AKAP12: variants seen among roughly 807,000 people sequenced by gnomAD.
The protein encoded by AKAP12 is A-kinase anchoring protein 12, also known as A-kinase anchor protein 12.
AKAP12 carries 32 observed loss-of-function variants against 79.9 expected under a neutral mutation model. The observed-to-expected ratio is 0.40, with a 90% CI of 0.30 to 0.54. The LOEUF (loss-of-function observed/expected upper bound fraction) is 0.54. AKAP12 is among the 20% of genes least tolerant of loss of function. The probability of loss-of-function intolerance (pLI) is 0.48; values close to 1 mark genes in which losing one functional copy is unlikely to be tolerated. For missense variants in AKAP12, 2,074 were observed against 2,177.0 expected (o/e 0.95, Z 0.94); for synonymous variants, 808 against 857.0 (o/e 0.94, Z 1.00).
chr6:151,246,594 T>G (rs1797079677), intron 2 of AKAP12, among the ~76,000 whole-genome samples: 1 of 152,182 alleles, frequency 6.6e-6, no homozygotes, highest in Non-Finnish European at 1.5e-5. Context: ...GAATGGTACC[T>G]CAGTTTCCTT....
chr6:151,307,967 C>T (rs1777010945), intron 3 of AKAP12, among the ~76,000 whole-genome samples: 1 of 151,998 alleles, frequency 6.6e-6, no homozygotes, highest in African/African-American at 2.4e-5. Context: ...CCGCGCACAT[C>T]CCCCGCCTCC....
chr6:151,316,954 T>C (rs771539774), intron 3 of AKAP12, among the ~76,000 whole-genome samples: 20 of 152,194 alleles, frequency 1.3e-4, no homozygotes, highest in Non-Finnish European at 2.8e-4. Flanking sequence ...CCTGTTCTTA[T>C]TAGGGCCCAG....
In AKAP12 at chr6:151,240,484, T is replaced by C; in HGVS notation, c.-79T>C. The C allele has an allele frequency of 1.5e-6, 2 of 1,315,608 alleles. No individual in the cohort carries two copies. The highest frequency in any genetic ancestry group is 1.9e-6 in the Non-Finnish European group (2 of 1,032,278). The allele number at this position is 1,315,608 out of a possible 1,614,324, so 81.5% of individuals were successfully genotyped here. A position where few individuals can be genotyped will look rare whatever the true frequency, so the allele number is the denominator to read the frequency against. ...TCTCGGGACCTCGCGGGCGCGCGTC[T>C]TTTGGCTCTTGCCCCTGTCCCTGCG... On this transcript the variant is annotated 5_prime_UTR_variant, in exon 2 of 5. Coordinates refer to ENST00000402676, the MANE Select transcript of AKAP12 (RefSeq NM_005100.4).
chr6:151,352,256 G>T lies in AKAP12; in HGVS notation c.3865G>T (p.Asp1289Tyr). 8 of 1,614,194 alleles carry T rather than the reference G, an allele frequency of 5.0e-6. No individual in the cohort carries two copies. Among genetic ancestry groups the T allele is most frequent in the African/African-American group, 1.3e-5 (1 of 75,046 alleles). Residue 1289 changes from aspartate (D) to tyrosine (Y), a missense_variant, in exon 4 of 5, where the codon GAC (aspartate) becomes TAC (tyrosine). Coordinates refer to ENST00000402676, the MANE Select transcript of AKAP12 (RefSeq NM_005100.4). Reference protein sequence around the residue: ...PFFEGLEGSIDTGITVSREKV... With the variant: ...PFFEGLEGSIYTGITVSREKV... ...TTTCGAAGGACTTGAGGGGTCTATAGACACAGGCATAACAGTCAGTCGGGA... is the reference window on the plus strand; with the variant it reads ...TTTCGAAGGACTTGAGGGGTCTATATACACAGGCATAACAGTCAGTCGGGA...
intron 1 of AKAP12, 77 bp from the exon 2 acceptor site, chr6:151,240,307 T>A (rs571787609): frequency 2.8e-6 from 1 of 354,418 alleles, no homozygotes; most frequent in Non-Finnish European, 5.0e-6. Flanking sequence ...GCTCATGTGA[T>A]GAAGCGAGGG....
At chr6:151,249,942 G>A (rs555536821) in intron 2 of AKAP12, among the ~76,000 whole-genome samples, 8 of 152,180 alleles carry the variant, frequency 5.3e-5, no homozygotes, top group Non-Finnish European at 7.4e-5. Context: ...CATGTGGCTC[G>A]TGGGCATGGT....
chr6:151,314,944 C>T (rs553002837), intron 3 of AKAP12, among the ~76,000 whole-genome samples: 70 of 151,418 alleles, frequency 4.6e-4, no homozygotes, highest in African/African-American at 1.3e-3. Context: ...CCCAGCTATT[C>T]GGGAGGCTGA....
intron 2 of AKAP12, among the ~76,000 whole-genome samples, chr6:151,267,641 G>A (rs1481956975): frequency 6.6e-6 from 1 of 152,176 alleles, no homozygotes; most frequent in Non-Finnish European, 1.5e-5. Flanking sequence ...TCATAGATAT[G>A]TAGAACAAAC....
chr6:151,355,374 C>T (rs541860139), intron 4 of AKAP12, among the ~76,000 whole-genome samples: 45 of 152,102 alleles, frequency 3.0e-4, no homozygotes, highest in African/African-American at 9.4e-4. Flanking sequence ...ACAATCTCAG[C>T]TTACTGCAAC....
chr6:151,355,458 A>C (rs770979213), intron 4 of AKAP12, among the ~76,000 whole-genome samples: 2 of 152,084 alleles, frequency 1.3e-5, no homozygotes, highest in East Asian at 3.9e-4. Context: ...GCATGCCACC[A>C]TGCCCAGCTT....
At chr6:151,345,456 A>C (rs1364273393) in intron 3 of AKAP12, among the ~76,000 whole-genome samples, 1 of 90,724 alleles carries the variant, frequency 1.1e-5, no homozygotes, top group Non-Finnish European at 2.6e-5. Context: ...TTTGGTGTCC[A>C]TTTTAATTGA....
At chr6:151,338,480 G>T (rs1341760620) in intron 3 of AKAP12, among the ~76,000 whole-genome samples, 7 of 149,468 alleles carry the variant, frequency 4.7e-5, no homozygotes, top group Admixed American at 4.7e-4. Context: ...CCCCGAGATG[G>T]AGTCTTGCTC....
chr6:151,254,701 C>T (rs948336334), intron 2 of AKAP12, among the ~76,000 whole-genome samples: 8 of 152,114 alleles, frequency 5.3e-5, no homozygotes, highest in Non-Finnish European at 1.2e-4. Flanking sequence ...ATTAAGACAA[C>T]GATCGGTTAT....
intron 3 of AKAP12, chr6:151,325,501 C>T (rs777985012): frequency 9.5e-5 from 94 of 985,210 alleles, no homozygotes; most frequent in Non-Finnish European, 1.1e-4. Context: ...CGGGGGAGGG[C>T]TTTAAGGTGA....
chr6:151,247,067 A>G (rs562922576), intron 2 of AKAP12, among the ~76,000 whole-genome samples: 2 of 151,580 alleles, frequency 1.3e-5, no homozygotes, highest in East Asian at 4.0e-4. Flanking sequence ...TGCTGAGATT[A>G]CAGGTGTGAG....
In AKAP12 at chr6:151,248,941, C is replaced by T. The variant is rs550499295; in HGVS notation, c.162+8217C>T. 9.9e-5 allele frequency among the ~76,000 whole-genome samples: 15 copies of T among 151,906 alleles called. No homozygotes were observed. The South Asian group carries it at 1.5e-3, about 15-fold the overall frequency. ...GGTGGAGGTTGCAGTGAGCCGAGAC[C>T]GCATCATTGCACTCCAGCCTGGGCG... On this transcript the variant is annotated intron_variant, in intron 2 of 4. Coordinates refer to ENST00000402676, the MANE Select transcript of AKAP12 (RefSeq NM_005100.4).
At chr6:151,314,959 G>A (rs1452114425) in intron 3 of AKAP12, among the ~76,000 whole-genome samples, 1 of 151,884 alleles carries the variant, frequency 6.6e-6, no homozygotes, top group East Asian at 1.9e-4. Flanking sequence ...GGCTGAGGCA[G>A]GAGAATCGCT....
At chr6:151,285,172 C>T (rs1386380629) in intron 2 of AKAP12, among the ~76,000 whole-genome samples, 5 of 152,144 alleles carry the variant, frequency 3.3e-5, no homozygotes, top group African/African-American at 1.2e-4. Flanking sequence ...TATATTGTCC[C>T]CTCTGTCCCC....
chr6:151,348,680 T>TCCCCCACC, intron 3 of AKAP12, 31 bp from the exon 4 acceptor site: 1 of 355,202 alleles, frequency 2.8e-6, no homozygotes. Context: ...TTTTCTCTTC[T>TCCCCCACC]CCCCACCCCC....
Sources: allele counts gnomAD v4.1 joint callset (sites outside exome capture counted in the v4.1 genomes callset), GRCh38; gene constraint gnomAD v4.1.1; transcripts MANE v1.5; gene names NCBI Gene and HGNC (gene_info 2026-07-23, HGNC 2026-07-21).